Variants in S100PBP observed in about 807,000 individuals in gnomAD.
S100PBP encodes S100P-binding protein.
In S100PBP, 15 loss-of-function variants were observed where a neutral mutation model predicts 39.9. The observed-to-expected ratio is 0.38, with a 90% CI of 0.25 to 0.58. S100PBP has a LOEUF of 0.58. Among genes scored for constraint, S100PBP ranks in the 20% least tolerant of loss-of-function variants. The probability of loss-of-function intolerance (pLI) is 0.70; values close to 1 mark genes in which losing one functional copy is unlikely to be tolerated. For missense variants in S100PBP, 504 were observed against 487.3 expected, an observed-to-expected ratio of 1.03 and a Z score of -0.32; for synonymous variants, 178 against 180.3, an observed-to-expected ratio of 0.99 and a Z score of 0.10.
At chr1:32,837,668 C>A (rs1225305237) in intron 5 of S100PBP, among the ~76,000 whole-genome samples, 2 of 151,640 alleles carry the variant, frequency 1.3e-5, no homozygotes, top group African/African-American at 4.8e-5. Context: ...CTCTAATCCC[C>A]AGGCAAGATT....
At chr1:32,828,335 A>G (rs922643514) in intron 4 of S100PBP, among the ~76,000 whole-genome samples, 1 of 152,138 alleles carries the variant, frequency 6.6e-6, no homozygotes, top group South Asian at 2.1e-4. Flanking sequence ...CAAAATAGAC[A>G]TATTAGCGAA....
chr1:32,827,271 T>G (rs1177745391), intron 3 of S100PBP, among the ~76,000 whole-genome samples: 2 of 152,192 alleles, frequency 1.3e-5, no homozygotes, highest in African/African-American at 4.8e-5. Context: ...AATTACCCTC[T>G]GTTGAATAAT....
rs936867163 is a variant in S100PBP, at chr1:32,858,871, A to G, written c.*2833A>G. Reference sequence around the variant, plus strand: ...TAAAAAGAAATAAAAGTTCTTTGTCAGTGACATATGTACTGTGGCGGTCTG... The same window carrying G: ...TAAAAAGAAATAAAAGTTCTTTGTCGGTGACATATGTACTGTGGCGGTCTG... On this transcript the variant is annotated 3_prime_UTR_variant, in exon 7 of 7. Transcript: ENST00000373475. 1 of 151,992 alleles carries G rather than the reference A, an allele frequency of 6.6e-6. No individual in the cohort carries two copies. The highest frequency in any genetic ancestry group is 1.5e-5 in the Non-Finnish European group (1 of 68,022). The allele number at this position is 151,992 out of a possible 1,614,324, so 9.4% of individuals were successfully genotyped here. A position where few individuals can be genotyped will look rare whatever the true frequency, so the allele number is the denominator to read the frequency against.
chr1:32,848,084 G>A (rs1043404604), intron 5 of S100PBP, among the ~76,000 whole-genome samples: 1 of 152,116 alleles, frequency 6.6e-6, no homozygotes, highest in Non-Finnish European at 1.5e-5. Context: ...CAAGGTGGGT[G>A]GATCATGAAG....
intron 3 of S100PBP, 76 bp from the exon 4 acceptor site, chr1:32,827,917 C>A: frequency 1.0e-6 from 1 of 980,292 alleles, no homozygotes; most frequent in Non-Finnish European, 1.6e-6. Flanking sequence ...AAAAATATTT[C>A]CATAAATAGT....
chr1:32,820,917 A>G (rs1353537088), intron 1 of S100PBP, among the ~76,000 whole-genome samples: 1 of 152,242 alleles, frequency 6.6e-6, no homozygotes, highest in Non-Finnish European at 1.5e-5. Context: ...TCAAGGCTGC[A>G]GTGAGCTATG....
intron 1 of S100PBP, among the ~76,000 whole-genome samples, chr1:32,824,241 T>TA (rs1326816831): frequency 1.4e-4 from 21 of 151,538 alleles, no homozygotes; most frequent in African/African-American, 5.1e-4. Flanking sequence ...GAACTAAAGT[T>TA]AAAGCTCAGG....
At chr1:32,827,934 A>G in intron 3 of S100PBP, 59 bp from the exon 4 acceptor site, 2 of 1,168,258 alleles carry the variant, frequency 1.7e-6, no homozygotes, top group South Asian at 2.5e-5. Flanking sequence ...TAGTGTTTTC[A>G]GTGCTTTTCT....
In S100PBP at chr1:32,841,174, AT is replaced by A. The variant is rs199719952; in HGVS notation, c.1024+11108del. On this transcript the variant is annotated intron_variant, in intron 5 of 6. Coordinates refer to ENST00000373475, the MANE Select transcript of S100PBP (RefSeq NM_022753.4). ...AGATTCCATCTCAAAAAAAAAAAAA[AT>A]AAAAAAAATTGGATTATTTTCTTAT... Among the ~76,000 whole-genome samples, 39 of 151,008 alleles carry A rather than the reference AT, an allele frequency of 2.6e-4. 1 individual carries two copies. Among genetic ancestry groups the A allele is most frequent in the East Asian group, 5.8e-4 (3 of 5,150 alleles).
chr1:32,840,067 C>T (rs953531805), intron 5 of S100PBP, among the ~76,000 whole-genome samples: 2 of 152,130 alleles, frequency 1.3e-5, no homozygotes, highest in African/African-American at 4.8e-5. Flanking sequence ...TCACTGCAAC[C>T]TCTGCCTCCC....
At chr1:32,825,642 G>C (rs994534638) in intron 2 of S100PBP, among the ~76,000 whole-genome samples, 1 of 152,094 alleles carries the variant, frequency 6.6e-6, no homozygotes, top group East Asian at 1.9e-4. Context: ...GTACTCCATA[G>C]CACAAACATA....
intron 5 of S100PBP, among the ~76,000 whole-genome samples, chr1:32,839,620 T>C (rs1480177689): frequency 6.6e-6 from 1 of 151,986 alleles, no homozygotes; most frequent in African/African-American, 2.4e-5. Context: ...CTCAAACTCC[T>C]GGCATCAGTC....
At chr1:32,842,196 A>T (rs1163709103) in intron 5 of S100PBP, among the ~76,000 whole-genome samples, 22 of 119,822 alleles carry the variant, frequency 1.8e-4, no homozygotes, top group African/African-American at 7.2e-4. Context: ...AAAAAAAAAA[A>T]AAAAAAACAT....
chr1:32,849,918 T>A (rs759123592), intron 5 of S100PBP, among the ~76,000 whole-genome samples: 1 of 152,198 alleles, frequency 6.6e-6, no homozygotes, highest in Non-Finnish European at 1.5e-5. Flanking sequence ...AAATACCTTA[T>A]AGGATTGTTG....
intron 5 of S100PBP, among the ~76,000 whole-genome samples, chr1:32,833,393 A>T (rs1336055329): frequency 5.4e-5 from 8 of 149,528 alleles, no homozygotes; most frequent in Non-Finnish European, 1.0e-4. Flanking sequence ...TTGGAGACAG[A>T]GTCTGCTGCC....
rs1031327219 is a variant in S100PBP at position 32,856,239 on chromosome 1, G to A, written c.*201G>A. ...TATGAAGTCCCTCCTGATTTTGTGT[G>A]TGTGTGTCTGTGTTTAAGCAAGCGT... is the stretch of plus-strand genomic sequence containing the variant. On this transcript the variant is annotated 3_prime_UTR_variant, in exon 7 of 7. Transcript: ENST00000373475. 19 of 391,582 alleles carry A rather than the reference G, an allele frequency of 4.9e-5. No individual in the cohort carries two copies. Among genetic ancestry groups the A allele is most frequent in the Non-Finnish European group, 8.5e-5 (18 of 211,936 alleles). 24.3% of individuals were successfully genotyped at this position (391,582 alleles called of 1,614,324 possible).
chr1:32,817,364 CG>C, upstream of S100PBP: 6 of 1,321,388 alleles, frequency 4.5e-6, no homozygotes, highest in Non-Finnish European at 6.4e-6. Flanking sequence ...CAGCTGGGCT[CG>C]GCGCTCCGCT....
chr1:32,821,001 G>A (rs886808145), intron 1 of S100PBP, among the ~76,000 whole-genome samples: 2 of 64,456 alleles, frequency 3.1e-5, no homozygotes, highest in South Asian at 1.5e-3. Flanking sequence ...ATTTAACAGT[G>A]TAAAAGTAAC....
intron 5 of S100PBP, among the ~76,000 whole-genome samples, chr1:32,832,547 T>G (rs182747490): frequency 2.0e-3 from 307 of 152,308 alleles, no homozygotes; most frequent in African/African-American, 7.0e-3. Flanking sequence ...AGGAACCCAG[T>G]ATAATATGAA....
Sources: allele counts gnomAD v4.1 joint callset (sites outside exome capture counted in the v4.1 genomes callset), GRCh38; gene constraint gnomAD v4.1.1; transcripts MANE v1.5; gene names NCBI Gene and HGNC (gene_info 2026-07-23, HGNC 2026-07-21).